DSC3: variants seen among roughly 807,000 people sequenced by gnomAD.
DSC3 encodes the protein desmocollin-3.
In DSC3, 97 loss-of-function variants were observed where a neutral mutation model predicts 89.5. The ratio of observed to expected loss-of-function variants is 1.08; its 90% CI spans 0.92 to 1.28. DSC3 has a LOEUF of 1.28. DSC3 is among the 50% of genes most tolerant of loss of function. The pLI, the probability that DSC3 is intolerant of heterozygous loss-of-function variation, is 0.00. For synonymous variants in DSC3, 436 were observed against 384.1 expected (o/e 1.14, Z -1.58); for missense variants, 1,199 against 1,085.3 (o/e 1.10, Z -1.47).
At chr18:31,040,863 A>G (rs1369813293) in intron 1 of DSC3, among the ~76,000 whole-genome samples, 1 of 152,188 alleles carries the variant, frequency 6.6e-6, no homozygotes, top group African/African-American at 2.4e-5. Context: ...GGTCAAGAGA[A>G]GTGTTAATTT....
In DSC3 at chr18:30,994,281, C is replaced by A; in HGVS notation, c.2585G>T (p.Gly862Val). The A allele has an allele frequency of 2.5e-6, 4 of 1,614,086 alleles. No homozygotes were observed. Among genetic ancestry groups the A allele is most frequent in the Non-Finnish European group, 3.4e-6 (4 of 1,180,000 alleles). The change falls in exon 16 of 16, where the codon GGT (glycine) becomes GTT (valine). Residue 862 changes from glycine (G) to valine (V), a missense_variant. Coordinates refer to ENST00000360428, the MANE Select transcript of DSC3 (RefSeq NM_001941.5). ...CTTTTCACTGCAGCAGCCCACAGAA[C>A]CAGCTGGAGATCCTCTTCCCTCATA... ...YNYEGRGSPA[G>V]SVGCCSEKQE...
intron 9 of DSC3, among the ~76,000 whole-genome samples, chr18:31,013,415 A>T (rs111855326): frequency 7.2e-5 from 11 of 152,148 alleles, no homozygotes; most frequent in African/African-American, 2.7e-4. Context: ...TAATGACACA[A>T]ATCTCACAAC....
chr18:31,010,069 T>C (rs1985005330), intron 9 of DSC3, among the ~76,000 whole-genome samples: 1 of 152,210 alleles, frequency 6.6e-6, no homozygotes, highest in Non-Finnish European at 1.5e-5. Flanking sequence ...TGGCTAAACA[T>C]TGAACAAAAT....
intron 13 of DSC3, among the ~76,000 whole-genome samples, chr18:31,002,077 A>G (rs983661923): frequency 2.0e-5 from 3 of 152,220 alleles, no homozygotes; most frequent in African/African-American, 7.2e-5. Context: ...TCCCCTAAAA[A>G]TAATTTTCCT....
chr18:31,018,241 C>T lies in DSC3; in HGVS notation c.1093G>A (p.Glu365Lys). ...FRQNAYEAFV[E>K]ENAFNVEILR... ...ATTTCCACATTGAATGCATTTTCCT[C>T]TACAAATGCTTCATACTGAAACAGA... is the stretch of plus-strand genomic sequence containing the variant. Residue 365 changes from glutamate (E) to lysine (K), a missense_variant, in exon 9 of 16, where the codon GAG becomes AAG. Glu to Lys is a moderately conservative substitution (Grantham distance 56). Transcript: ENST00000360428. 1 of 1,610,028 alleles carries T rather than the reference C, an allele frequency of 6.2e-7. No homozygotes were observed. The highest frequency in any genetic ancestry group is 8.5e-7 in the Non-Finnish European group (1 of 1,178,306).
chr18:31,021,823 A>G (rs572362796), intron 7 of DSC3, among the ~76,000 whole-genome samples: 9 of 152,314 alleles, frequency 5.9e-5, no homozygotes, highest in Admixed American at 3.3e-4. Context: ...AAATAAAATT[A>G]TGCATTAAGA....
At chr18:31,032,304 A>C in intron 1 of DSC3, 28 bp from the exon 2 acceptor site, 1 of 1,519,832 alleles carries the variant, frequency 6.6e-7, no homozygotes, top group Non-Finnish European at 9.1e-7. Flanking sequence ...ACATTAATAC[A>C]GTAGAAAATA....
At chr18:31,026,750 T>C (rs1434558371) in intron 4 of DSC3, among the ~76,000 whole-genome samples, 2 of 152,072 alleles carry the variant, frequency 1.3e-5, no homozygotes, top group African/African-American at 4.8e-5. Flanking sequence ...CACAAGGTTG[T>C]CCAGAAGAAA....
At chr18:30,995,095 A>G (rs1984410556) in intron 15 of DSC3, among the ~76,000 whole-genome samples, 1 of 152,216 alleles carries the variant, frequency 6.6e-6, no homozygotes, top group South Asian at 2.1e-4. Flanking sequence ...TGAAGACGCC[A>G]TGCATTCAGC....
intron 14 of DSC3, 23 bp from the exon 15 acceptor site, chr18:30,997,071 T>C: frequency 6.2e-7 from 1 of 1,613,966 alleles, no homozygotes; most frequent in Non-Finnish European, 8.5e-7. Flanking sequence ...AATGAAATAA[T>C]TCATGTTGAG....
rs539608712 is a variant in DSC3 at position 31,034,571 on chromosome 18, A to C, written c.70-2295T>G. The stretch of plus-strand genomic sequence containing the variant: ...AAGTCCACACAAAAACTTGTCATGA[A>C]TATTCACAGTACATACCATTATTCA... On this transcript the variant is annotated intron_variant, in intron 1 of 15. Coordinates refer to ENST00000360428, the MANE Select transcript of DSC3 (RefSeq NM_001941.5). Among the ~76,000 whole-genome samples the C allele has an allele frequency of 7.6e-3, 1,156 of 152,310 alleles. 18 individuals are homozygous for C. The highest frequency in any genetic ancestry group is 0.027 in the African/African-American group (1,117 of 41,576).
Position 30,994,223 on chromosome 18 carries a change from A to G in DSC3, c.2643T>C (p.Asn881=), listed in dbSNP as rs752459419. 1 of 1,614,084 alleles carries G rather than the reference A, an allele frequency of 6.2e-7. No individual in the cohort carries two copies. The highest frequency in any genetic ancestry group is 1.1e-5 in the South Asian group (1 of 91,078). The change falls in exon 16 of 16, where the codon AAT becomes AAC. Residue 881 remains asparagine (N), a synonymous_variant. Coordinates refer to ENST00000360428, the MANE Select transcript of DSC3 (RefSeq NM_001941.5). ...QEEDGLDFLN[N]LEPKFITLAE... The stretch of plus-strand genomic sequence containing the variant: ...CTAATGTAATAAATTTGGGTTCCAA[A>G]TTATTTAAAAAGTCAAGGCCATCTT...
Position 31,025,344 on chromosome 18 carries a change from A to G in DSC3, c.630+416T>C, listed in dbSNP as rs145980735. ...AGTTCTCAGATGTGATCAAATAATC[A>G]TCTGTGTGGAAGGAAGACAAAAATG... On this transcript the variant is annotated intron_variant, in intron 5 of 15. Coordinates refer to ENST00000360428, the MANE Select transcript of DSC3 (RefSeq NM_001941.5). 1.7e-3 allele frequency among the ~76,000 whole-genome samples: 254 copies of G among 152,256 alleles called. 7 individuals carry two copies. The East Asian group carries it at 0.034, about 20-fold the overall frequency.
At chr18:31,030,844 T>TGAAAG (rs1478817399) in intron 3 of DSC3, 129 bp downstream of exon 3, 8 of 854,856 alleles carry the variant, frequency 9.4e-6, no homozygotes, top group Non-Finnish European at 1.5e-5. Context: ...GGAAACGAAG[T>TGAAAG]GAAAGGAAAG....
chr18:31,041,421 A>C (rs1369159372), intron 1 of DSC3, among the ~76,000 whole-genome samples: 1 of 152,204 alleles, frequency 6.6e-6, no homozygotes, highest in Non-Finnish European at 1.5e-5. Context: ...ATCGTAGATC[A>C]TAACTACCAA....
rs1224852396 is a variant in DSC3 at position 30,992,505 on chromosome 18, A to T, written c.*1670T>A. 1.3e-5 allele frequency: 2 copies of T among 152,222 alleles called. No individual in the cohort carries two copies. The highest frequency in any genetic ancestry group is 4.8e-5 in the African/African-American group (2 of 41,460). 9.4% of individuals were successfully genotyped at this position (152,222 alleles called of 1,614,324 possible). On this transcript the variant is annotated 3_prime_UTR_variant, in exon 16 of 16. Transcript: ENST00000360428. The stretch of plus-strand genomic sequence containing the variant: ...TCACCGGACTCAAATGGCAGTTGCC[A>T]TTGGCCTGAGAAAGGAAAAGGCAGT...
chr18:31,027,503 C>T (rs1184461643), intron 4 of DSC3, among the ~76,000 whole-genome samples: 1 of 151,888 alleles, frequency 6.6e-6, no homozygotes, highest in East Asian at 1.9e-4. Flanking sequence ...TTCCTTCTTT[C>T]CTTCCTTTTC....
chr18:31,025,841 T>G lies in DSC3; in HGVS notation c.549A>C (p.Leu183Phe). ...ISGRGVDKEP[L>F]NLFYIERDTG... ...TGTCTCTTTCTATATAAAACAAATT[T>G]AAAGGTTCTTTATCAACTCCACGTC... The change falls in exon 5 of 16, where the codon TTA becomes TTC. Residue 183 changes from leucine (L) to phenylalanine (F), a missense_variant. Transcript: ENST00000360428. 5 of 1,613,158 alleles carry G rather than the reference T, an allele frequency of 3.1e-6. No homozygotes were observed. The highest frequency in any genetic ancestry group is 4.2e-6 in the Non-Finnish European group (5 of 1,179,408).
rs115719878 is a variant in DSC3, at chr18:31,037,268, A to C, written c.70-4992T>G. On this transcript the variant is annotated intron_variant, in intron 1 of 15. Coordinates refer to ENST00000360428, the MANE Select transcript of DSC3 (RefSeq NM_001941.5). Reference sequence around the variant, plus strand: ...GAAATCATTTAAAAATATTAAGCTTATATCCATGAAACTTGCTTACTTTTA... The same window carrying C: ...GAAATCATTTAAAAATATTAAGCTTCTATCCATGAAACTTGCTTACTTTTA... Among the ~76,000 whole-genome samples the C allele has an allele frequency of 8.7e-3, 1,326 of 152,312 alleles. 26 individuals carry two copies. Among genetic ancestry groups the C allele is most frequent in the African/African-American group, 0.03 (1,244 of 41,558 alleles).
Sources: allele counts gnomAD v4.1 joint callset (sites outside exome capture counted in the v4.1 genomes callset), GRCh38; gene constraint gnomAD v4.1.1; transcripts MANE v1.5; gene names NCBI Gene and HGNC (gene_info 2026-07-23, HGNC 2026-07-21).